The following FRMD4B variants were observed in gnomAD, a reference collection of about 807,000 sequenced individuals.
FRMD4B encodes FERM domain-containing protein 4B.
FRMD4B carries 74 observed loss-of-function variants against 141.5 expected under a neutral mutation model. The observed-to-expected ratio is 0.52, with a 90% CI of 0.43 to 0.63. FRMD4B has a LOEUF of 0.63. FRMD4B is among the 30% of genes least tolerant of loss of function. The probability of loss-of-function intolerance (pLI) is 0.00; values close to 1 mark genes in which losing one functional copy is unlikely to be tolerated. For synonymous variants in FRMD4B, 506 were observed against 467.9 expected, an observed-to-expected ratio of 1.08 and a Z score of -1.05; for missense variants, 1,366 against 1,253.4, an observed-to-expected ratio of 1.09 and a Z score of -1.36.
chr3:69,521,013 T>C (rs1700846193), intron 1 of FRMD4B, among the ~76,000 whole-genome samples: 1 of 152,228 alleles, frequency 6.6e-6, no homozygotes, highest in African/African-American at 2.4e-5. Flanking sequence ...GATTTTATTC[T>C]GGGAATTAGC....
chr3:69,402,433 A>G (rs1009995798), intron 2 of FRMD4B, among the ~76,000 whole-genome samples: 2 of 152,198 alleles, frequency 1.3e-5, no homozygotes, highest in Admixed American at 1.3e-4. Flanking sequence ...TCCTTATGAC[A>G]TATGAAATAA....
intron 1 of FRMD4B, among the ~76,000 whole-genome samples, chr3:69,527,208 G>T (rs538748745): frequency 6.6e-6 from 1 of 152,208 alleles, no homozygotes; most frequent in East Asian, 1.9e-4. Context: ...AAAAATAGAT[G>T]AAAATGCAGG....
chr3:69,290,157 CAAAG>C (rs1700822830), intron 4 of FRMD4B, among the ~76,000 whole-genome samples: 1 of 152,180 alleles, frequency 6.6e-6, no homozygotes, highest in Non-Finnish European at 1.5e-5. Flanking sequence ...TCACCTGACT[CAAAG>C]GCAGCCAAGA....
At chr3:69,211,401 T>G (rs907477422) in intron 11 of FRMD4B, among the ~76,000 whole-genome samples, 1 of 152,114 alleles carries the variant, frequency 6.6e-6, no homozygotes, top group Non-Finnish European at 1.5e-5. Context: ...TGAAAACAAC[T>G]TGTTGGCACC....
chr3:69,495,155 A>T (rs1706363719), intron 1 of FRMD4B, among the ~76,000 whole-genome samples: 2 of 152,172 alleles, frequency 1.3e-5, no homozygotes, highest in Admixed American at 1.3e-4. Context: ...GTTCCCTAAT[A>T]AACTACAACC....
chr3:69,250,250 G>C (rs887959573), intron 5 of FRMD4B, 151 bp from the exon 6 acceptor site: 3 of 707,702 alleles, frequency 4.2e-6, no homozygotes, highest in Non-Finnish European at 5.2e-6. Flanking sequence ...GGGGGGTGTG[G>C]AGAGACTCAT....
At chr3:69,521,896 C>T (rs553554430) in intron 1 of FRMD4B, among the ~76,000 whole-genome samples, 242 of 152,294 alleles carry the variant, frequency 1.6e-3, no homozygotes, top group African/African-American at 5.4e-3. Context: ...CACGTTGCAC[C>T]CTCTTGCTCA....
At chr3:69,395,502 A>G (rs1384253128) in intron 2 of FRMD4B, among the ~76,000 whole-genome samples, 2 of 152,218 alleles carry the variant, frequency 1.3e-5, no homozygotes, top group African/African-American at 4.8e-5. Flanking sequence ...AACAGGTTAT[A>G]AAAATAAACT....
At chr3:69,238,052 C>T (rs1437708611) in intron 7 of FRMD4B, among the ~76,000 whole-genome samples, 1 of 152,152 alleles carries the variant, frequency 6.6e-6, no homozygotes, top group Non-Finnish European at 1.5e-5. Flanking sequence ...CTTAAGGTGG[C>T]CATCCTAGGC....
chr3:69,375,178 C>T (rs1703935606), intron 1 of FRMD4B, among the ~76,000 whole-genome samples: 1 of 151,132 alleles, frequency 6.6e-6, no homozygotes, highest in African/African-American at 2.4e-5. Flanking sequence ...CACCCACCCA[C>T]TTACCTGTCC....
At position 69,206,103 on chromosome 3, in the gene FRMD4B, G is replaced by T. The variant is rs374521102; in HGVS notation, c.877-7329C>A. On this transcript the variant is annotated intron_variant, in intron 11 of 22. Coordinates refer to ENST00000398540, the MANE Select transcript of FRMD4B (RefSeq NM_015123.3). ...GTGGTGGCTCACTCCTGTAATTCCA[G>T]TACTTTGGGAGGCCGGGGTGGGTGG... 2.0e-5 allele frequency among the ~76,000 whole-genome samples: 3 copies of T among 152,194 alleles called. No homozygotes were observed. The East Asian group carries it at 5.8e-4, about 29-fold the overall frequency.
In FRMD4B at chr3:69,436,936, C is replaced by T. The variant is rs76512339; in HGVS notation, c.-128-4175G>A. 3.9e-3 allele frequency among the ~76,000 whole-genome samples: 600 copies of T among 152,132 alleles called. 7 individuals carry two copies. Among genetic ancestry groups the T allele is most frequent in the African/African-American group, 0.014 (585 of 41,510 alleles). ...AATTATTATCTAGAACAGTTGAATA[C>T]ACAGAGACAGAAAGTAGAGCAGAGT... On this transcript the variant is annotated intron_variant, in intron 1 of 5. Coordinates refer to the FRMD4B transcript ENST00000459638.
chr3:69,170,033 T>G lies in FRMD4B; in HGVS notation c.*1828A>C, dbSNP rs1010104494. On this transcript the variant is annotated 3_prime_UTR_variant, in exon 23 of 23. Transcript: ENST00000398540. ...AACTTTATTGTAAGACACAGCATTA[T>G]TTTTAATGTACTATTAAGAAAAAAC... The G allele has an allele frequency of 2.0e-5, 3 of 152,214 alleles. No homozygotes were observed. The highest frequency in any genetic ancestry group is 7.2e-5 in the African/African-American group (3 of 41,466). The allele number at this position is 152,214 out of a possible 1,614,324, so 9.4% of individuals were successfully genotyped here. A position where few individuals can be genotyped will look rare whatever the true frequency, so the allele number is the denominator to read the frequency against.
intron 1 of FRMD4B, among the ~76,000 whole-genome samples, chr3:69,467,817 T>C (rs1449753896): frequency 6.6e-6 from 1 of 152,142 alleles, no homozygotes; most frequent in Non-Finnish European, 1.5e-5. Flanking sequence ...GTAAATGGGA[T>C]CCTAGCAGGG....
At chr3:69,264,056 C>G (rs1284152923) in intron 5 of FRMD4B, among the ~76,000 whole-genome samples, 1 of 151,084 alleles carries the variant, frequency 6.6e-6, no homozygotes, top group East Asian at 2.0e-4. Flanking sequence ...CTCCTGGCCT[C>G]AAGTGATCCG....
chr3:69,198,919 A>T, intron 11 of FRMD4B, 145 bp from the exon 12 acceptor site: 2 of 617,164 alleles, frequency 3.2e-6, no homozygotes, highest in South Asian at 4.0e-5. Flanking sequence ...CCTTTTTACA[A>T]ATCAACTATG....
chr3:69,312,670 G>C (rs758391806), intron 2 of FRMD4B, among the ~76,000 whole-genome samples: 5 of 152,214 alleles, frequency 3.3e-5, no homozygotes, highest in Non-Finnish European at 7.3e-5. Context: ...AGGCTGAGGA[G>C]GGTGGATCAC....
chr3:69,371,570 C>G (rs986540110), intron 1 of FRMD4B, among the ~76,000 whole-genome samples: 1 of 152,052 alleles, frequency 6.6e-6, no homozygotes, highest in Non-Finnish European at 1.5e-5. Context: ...TGCAGAGAGA[C>G]CAGTTAGGAA....
At chr3:69,250,685 A>G (rs2093459059) in intron 5 of FRMD4B, among the ~76,000 whole-genome samples, 1 of 150,034 alleles carries the variant, frequency 6.7e-6, no homozygotes, top group South Asian at 2.1e-4. Context: ...AATTCTGTTG[A>G]TTTATATTGA....
Sources: gnomAD v4.1 joint callset for allele counts (sites outside exome capture counted in the v4.1 genomes callset) on GRCh38, gnomAD v4.1.1 for gene constraint, MANE v1.5 for transcripts, NCBI Gene and HGNC (gene_info 2026-07-23, HGNC 2026-07-21) for gene names.